The following NRF1 variants were observed in gnomAD, a reference collection of about 807,000 sequenced individuals.
NRF1 encodes alpha palindromic-binding protein.
Under a neutral mutation model 58.5 loss-of-function variants are expected in NRF1, and 5 were observed. The observed-to-expected ratio is 0.09, with a 90% CI of 0.04 to 0.18. The LOEUF is 0.18. NRF1 is among the 10% of genes least tolerant of loss of function. NRF1 has a pLI of 1.00. For missense variants in NRF1, 288 were observed against 657.7 expected (o/e 0.44, Z 6.15); for synonymous variants, 224 against 246.7 (o/e 0.91, Z 0.86).
intron 1 of NRF1, among the ~76,000 whole-genome samples, chr7:129,654,963 T>G (rs563853272): frequency 6.6e-6 from 1 of 152,236 alleles, no homozygotes; most frequent in South Asian, 2.1e-4. Flanking sequence ...ATGTAAACTT[T>G]AGTGTCAGTT....
At chr7:129,750,356 G>T (rs1047192995) in intron 10 of NRF1, among the ~76,000 whole-genome samples, 2 of 152,130 alleles carry the variant, frequency 1.3e-5, no homozygotes, top group Non-Finnish European at 2.9e-5. Flanking sequence ...CCGACTTAGG[G>T]CACGCTGGGT....
At chr7:129,668,746 A>G (rs1323936932) in intron 2 of NRF1, among the ~76,000 whole-genome samples, 1 of 152,252 alleles carries the variant, frequency 6.6e-6, no homozygotes, top group Non-Finnish European at 1.5e-5. Context: ...GAGTATTACT[A>G]TATGATTTAC....
At chr7:129,745,658 C>T (rs1281176331) in intron 10 of NRF1, among the ~76,000 whole-genome samples, 3 of 152,132 alleles carry the variant, frequency 2.0e-5, no homozygotes, top group African/African-American at 7.2e-5. Context: ...GCCTTCTTGG[C>T]AGGGTCAACA....
intron 10 of NRF1, among the ~76,000 whole-genome samples, chr7:129,745,353 C>T (rs1271531799): frequency 2.6e-5 from 4 of 152,128 alleles, no homozygotes; most frequent in Admixed American, 1.3e-4. Flanking sequence ...GTCCCTGGCA[C>T]GGCAGGAGGT....
rs538247074 is a variant in NRF1 at position 129,680,247 on chromosome 7, T to C, written c.465+2489T>C. ...ATTTTCATTTCCCTAATGCTGATGA[T>C]TAATAATCATAGTCATTAGGGAAAT... On this transcript the variant is annotated intron_variant, in intron 4 of 10. Transcript: ENST00000393232. Among the ~76,000 whole-genome samples, 5 of 152,258 alleles carry C rather than the reference T, an allele frequency of 3.3e-5. No individual in the cohort carries two copies. In the East Asian group the frequency reaches 9.6e-4, roughly 29 times the overall value.
intron 10 of NRF1, among the ~76,000 whole-genome samples, chr7:129,734,514 C>T (rs539854255): frequency 6.6e-6 from 1 of 152,348 alleles, no homozygotes; most frequent in Admixed American, 6.5e-5. Flanking sequence ...AGTTTAGCCA[C>T]AGCACCCATC....
In NRF1 at chr7:129,717,286, C is replaced by T. The variant is rs768152680; in HGVS notation, c.1133C>T (p.Ala378Val). The T allele has an allele frequency of 6.2e-7, 1 of 1,613,866 alleles. No individual in the cohort carries two copies. The change falls in exon 9 of 11, where the codon GCC becomes GTC. Residue 378 changes from alanine to valine, a missense_variant. By Grantham distance (64) the Ala-to-Val change is moderately conservative. This residue lies in a region of NRF1 where 212 missense variants were observed against 559.7 expected (regional missense o/e 0.38). Coordinates refer to ENST00000393232, the MANE Select transcript of NRF1 (RefSeq NM_005011.5). ...MTIQTTQASE[A>V]TQAVASLAEA... ...ATCCAGACGACGCAAGCATCAGAGG[C>T]CACCCAGGCGGTGGCATCGTTGGCA...
intron 1 of NRF1, among the ~76,000 whole-genome samples, chr7:129,654,503 C>T (rs1055321374): frequency 1.3e-5 from 2 of 152,076 alleles, no homozygotes; most frequent in East Asian, 1.9e-4. Context: ...TTATGGATTG[C>T]GCCTTTGGCA....
At position 129,710,357 on chromosome 7, in the gene NRF1, C is replaced by T. The variant is rs746781984; in HGVS notation, c.766-17C>T. On this transcript the variant is annotated splice_polypyrimidine_tract_variant and intron_variant, in intron 6 of 10. Transcript: ENST00000393232. ...TTCTTTGTGGCTTAATGTGCTTTTC[C>T]GGTCATTTGGTGACAGGTTTCATGG... The T allele has an allele frequency of 1.2e-5, 19 of 1,612,944 alleles. No individual in the cohort carries two copies. The highest frequency in any genetic ancestry group is 4.5e-5 in the East Asian group (2 of 44,876).
At chr7:129,616,092 G>T (rs1800654138) in intron 1 of NRF1, among the ~76,000 whole-genome samples, 1 of 152,026 alleles carries the variant, frequency 6.6e-6, no homozygotes, top group African/African-American at 2.4e-5. Context: ...TTTCAAAAGT[G>T]CACTTCAGAA....
chr7:129,708,293 G>C (rs993139599), intron 5 of NRF1, among the ~76,000 whole-genome samples: 2 of 152,252 alleles, frequency 1.3e-5, no homozygotes, highest in African/African-American at 4.8e-5. Flanking sequence ...AACACACACA[G>C]AGTGTGGTTA....
intron 4 of NRF1, among the ~76,000 whole-genome samples, chr7:129,679,039 C>T (rs1195392032): frequency 6.6e-6 from 1 of 151,546 alleles, no homozygotes; most frequent in Non-Finnish European, 1.5e-5. Context: ...TTCCAGAGCA[C>T]CGAAGAAAAA....
intron 9 of NRF1, among the ~76,000 whole-genome samples, chr7:129,722,953 A>C (rs1461065409): frequency 6.6e-6 from 1 of 152,162 alleles, no homozygotes; most frequent in African/African-American, 2.4e-5. Flanking sequence ...TTCCATATAA[A>C]CAATTCTCAT....
rs1473696988 is a variant in NRF1 at position 129,741,134 on chromosome 7, T to C, written c.1348+13769T>C. On this transcript the variant is annotated intron_variant, in intron 10 of 10. Coordinates refer to ENST00000393232, the MANE Select transcript of NRF1 (RefSeq NM_005011.5). The surrounding 1 kb of genome is among the most constrained non-coding windows in gnomAD (Gnocchi z 4.0). The stretch of plus-strand genomic sequence containing the variant: ...TACTCTTTGGTCTGCCTGTGTTGGG[T>C]ATTCTCAGCTTGGGGAAACTCAATG... 1.3e-5 allele frequency among the ~76,000 whole-genome samples: 2 copies of C among 152,122 alleles called. No individual in the cohort carries two copies. Among genetic ancestry groups the C allele is most frequent in the African/African-American group, 4.8e-5 (2 of 41,420 alleles).
intron 1 of NRF1, among the ~76,000 whole-genome samples, chr7:129,614,040 A>T (rs1025911263): frequency 3.9e-5 from 6 of 152,238 alleles, no homozygotes; most frequent in African/African-American, 1.4e-4. Flanking sequence ...TTTGCTTAGT[A>T]GTCAGTGGTC....
chr7:129,694,325 CT>C (rs1357734874), intron 5 of NRF1, among the ~76,000 whole-genome samples: 1 of 152,094 alleles, frequency 6.6e-6, no homozygotes, highest in Non-Finnish European at 1.5e-5. Flanking sequence ...TCATTGAATA[CT>C]TTTTTCTTAA....
chr7:129,638,786 G>A (rs957072910), intron 1 of NRF1, among the ~76,000 whole-genome samples: 1 of 152,084 alleles, frequency 6.6e-6, no homozygotes, highest in Non-Finnish European at 1.5e-5. Flanking sequence ...CCTTCTGTGA[G>A]TTTAGTGATA....
chr7:129,649,379 G>A (rs538509915), intron 1 of NRF1, among the ~76,000 whole-genome samples: 24 of 152,156 alleles, frequency 1.6e-4, no homozygotes, highest in Middle Eastern at 3.4e-3. Context: ...AGTTCTTGTG[G>A]TTTTTCTTTT....
chr7:129,752,519 T>C (rs1027311787), intron 10 of NRF1, among the ~76,000 whole-genome samples: 1 of 151,752 alleles, frequency 6.6e-6, no homozygotes, highest in African/African-American at 2.4e-5. Context: ...TTAAAAACCA[T>C]GGAATTTAAA....
Sources: allele counts gnomAD v4.1 joint callset (sites outside exome capture counted in the v4.1 genomes callset), GRCh38; gene constraint gnomAD v4.1.1; regional missense constraint gnomAD v4.1.1; non-coding constraint Gnocchi (gnomAD v3.1); transcripts MANE v1.5; gene names NCBI Gene and HGNC (gene_info 2026-07-23, HGNC 2026-07-21).